The following TAF2 variants were observed in gnomAD, a reference collection of about 807,000 sequenced individuals.
The protein encoded by TAF2 is TATA-box binding protein associated factor 2.
In TAF2, 61 loss-of-function variants were observed where a neutral mutation model predicts 138.5. The observed-to-expected ratio is 0.44, with a 90% CI of 0.36 to 0.54. The LOEUF is 0.54. Ranked by LOEUF, TAF2 falls within the 20% of genes least tolerant of loss-of-function variation. The probability of loss-of-function intolerance (pLI) is 0.00; values close to 1 mark genes in which losing one functional copy is unlikely to be tolerated. For missense variants in TAF2, 1,090 were observed against 1,427.9 expected, an observed-to-expected ratio of 0.76 and a Z score of 3.81; for synonymous variants, 475 against 469.9, an observed-to-expected ratio of 1.01 and a Z score of -0.14.
intron 22 of TAF2, among the ~76,000 whole-genome samples, chr8:119,754,065 C>T (rs1267083790): frequency 6.6e-6 from 1 of 151,960 alleles, no homozygotes; most frequent in African/African-American, 2.4e-5. Flanking sequence ...AAAAAATTAG[C>T]AATATTTTAG....
Position 119,789,861 on chromosome 8 carries a change from CTATT to C in TAF2, c.1414-119_1414-116del, listed in dbSNP as rs1290425982. On this transcript the variant is annotated intron_variant, in intron 11 of 25. Coordinates refer to ENST00000378164, the MANE Select transcript of TAF2 (RefSeq NM_003184.4). ...TCAATTATAGAAGACAATAATTTCA[CTATT>C]TATTACACAGATTATTCTAAAGACT... is the stretch of plus-strand genomic sequence containing the variant. 1.6e-5 allele frequency: 16 copies of C among 1,019,730 alleles called. No individual in the cohort carries two copies. The Middle Eastern group carries it at 9.1e-4, about 58-fold the overall frequency. The allele number at this position is 1,019,730 out of a possible 1,614,324, so 63.2% of individuals were successfully genotyped here.
At chr8:119,803,425 T>C (rs1824400809) in intron 5 of TAF2, among the ~76,000 whole-genome samples, 1 of 152,084 alleles carries the variant, frequency 6.6e-6, no homozygotes, top group South Asian at 2.1e-4. Context: ...GCATGGTGGC[T>C]CATGCCTGTA....
At chr8:119,768,067 T>C (rs1821565705) in intron 18 of TAF2, among the ~76,000 whole-genome samples, 1 of 152,166 alleles carries the variant, frequency 6.6e-6, no homozygotes, top group South Asian at 2.1e-4. Flanking sequence ...CCTCCCTTGC[T>C]CCAGCTGAGG....
chr8:119,791,686 C>T (rs1464799691), intron 10 of TAF2: 7 of 464,374 alleles, frequency 1.5e-5, no homozygotes, highest in African/African-American at 9.9e-5. Flanking sequence ...ACACCAAGCT[C>T]CTAGATGGGA....
intron 5 of TAF2, 55 bp downstream of exon 5, chr8:119,803,823 A>C (rs1468408391): frequency 1.3e-6 from 2 of 1,497,726 alleles, no homozygotes; most frequent in Non-Finnish European, 1.8e-6. Context: ...TCTTGCTTAT[A>C]CATAAAAAAT....
chr8:119,741,349 T>C (rs905209365), intron 25 of TAF2, among the ~76,000 whole-genome samples: 8 of 152,158 alleles, frequency 5.3e-5, no homozygotes, highest in African/African-American at 1.9e-4. Flanking sequence ...ATGAAGGAGT[T>C]TGAAATTCTC....
chr8:119,820,182 T>C (rs1038115650), intron 2 of TAF2, among the ~76,000 whole-genome samples: 2 of 152,194 alleles, frequency 1.3e-5, no homozygotes, highest in African/African-American at 2.4e-5. Context: ...CCCTCTTGTA[T>C]TGAATCAATG....
chr8:119,823,350 C>G (rs1432238999), intron 2 of TAF2, among the ~76,000 whole-genome samples: 2 of 152,130 alleles, frequency 1.3e-5, no homozygotes, highest in Non-Finnish European at 2.9e-5. Context: ...ATCTTGAATT[C>G]TCATGTGTTG....
chr8:119,803,957 A>AC lies in TAF2; in HGVS notation c.480_481insG (p.Phe161ValfsTer34). ...CTTCCCTCTACACTGGGTACCACAA[A>AC]ATGAAGACCTCCTTTGGGCTGATCC... On this transcript the variant is annotated frameshift_variant, in exon 5 of 26. Transcript: ENST00000378164. LOFTEE classifies it high-confidence loss of function. The AC allele has an allele frequency of 6.2e-7, 1 of 1,614,128 alleles. No individual in the cohort carries two copies. The highest frequency in any genetic ancestry group is 1.1e-5 in the South Asian group (1 of 91,084).
chr8:119,807,936 A>G (rs976023752), intron 3 of TAF2, among the ~76,000 whole-genome samples: 2 of 152,228 alleles, frequency 1.3e-5, no homozygotes, highest in Non-Finnish European at 2.9e-5. Flanking sequence ...AAATTAAAAA[A>G]TAAAAATAAA....
chr8:119,819,510 TA>T lies in TAF2; in HGVS notation c.139-5del, dbSNP rs768756146. 9.4e-6 allele frequency: 15 copies of T among 1,602,084 alleles called. No homozygotes were observed. The Admixed American group carries it at 2.5e-4, about 27-fold the overall frequency. On this transcript the variant is annotated splice_polypyrimidine_tract_variant and splice_region_variant and intron_variant, in intron 2 of 25. Coordinates refer to ENST00000378164, the MANE Select transcript of TAF2 (RefSeq NM_003184.4). ...ATATAGTCAGTTCCACAAATCCCTGTAAAGATAGAGAATAACAACTTCATTA... is the reference window on the plus strand; with the variant it reads ...ATATAGTCAGTTCCACAAATCCCTGTAAGATAGAGAATAACAACTTCATTA...
At chr8:119,734,311 G>C (rs1819075524) in intron 25 of TAF2, among the ~76,000 whole-genome samples, 1 of 151,890 alleles carries the variant, frequency 6.6e-6, no homozygotes, top group Admixed American at 6.6e-5. Context: ...AAAAAGAAAA[G>C]GCTTTTCACT....
At chr8:119,738,934 T>TA (rs1215345691) in intron 25 of TAF2, among the ~76,000 whole-genome samples, 1 of 150,396 alleles carries the variant, frequency 6.6e-6, no homozygotes, top group Non-Finnish European at 1.5e-5. Flanking sequence ...AATTTAAGGA[T>TA]AAAAAAATCA....
chr8:119,832,802 C>A lies in TAF2; in HGVS notation c.-238G>T, dbSNP rs750190098. The A allele has an allele frequency of 9.3e-5, 44 of 473,520 alleles. No individual in the cohort carries two copies. Among genetic ancestry groups the A allele is most frequent in the Middle Eastern group, 5.5e-4 (1 of 1,814 alleles). The allele number at this position is 473,520 out of a possible 1,614,324, so 29.3% of individuals were successfully genotyped here. A position where few individuals can be genotyped will look rare whatever the true frequency, so the allele number is the denominator to read the frequency against. The stretch of plus-strand genomic sequence containing the variant: ...ACAGAGATGCTCCTCTCCGCAAGGG[C>A]TCGAAGCTACCATCCGCCGACATCT... On this transcript the variant is annotated 5_prime_UTR_variant, in exon 1 of 26. Coordinates refer to ENST00000378164, the MANE Select transcript of TAF2 (RefSeq NM_003184.4).
At chr8:119,806,469 CTT>C (rs71571631) in intron 3 of TAF2, 68 bp from the exon 4 acceptor site, 309,538 of 749,906 alleles carry the variant, frequency 0.41, 28,948 homozygotes, top group African/African-American at 0.55. Flanking sequence ...TTCTTTCTTT[CTT>C]TTTTTTTTTT....
intron 15 of TAF2, among the ~76,000 whole-genome samples, chr8:119,784,013 T>A (rs949328285): frequency 6.6e-6 from 1 of 152,244 alleles, no homozygotes; most frequent in Non-Finnish European, 1.5e-5. Flanking sequence ...TTTAGCTGAC[T>A]TAAGACTTTT....
At chr8:119,811,763 G>A (rs529369148) in intron 3 of TAF2, among the ~76,000 whole-genome samples, 25 of 134,912 alleles carry the variant, frequency 1.9e-4, no homozygotes, top group Non-Finnish European at 2.6e-4. Context: ...CCGGGATAGC[G>A]CCACTGCAGT....
At chr8:119,799,565 G>C (rs1397248827) in intron 6 of TAF2, among the ~76,000 whole-genome samples, 1 of 151,950 alleles carries the variant, frequency 6.6e-6, no homozygotes, top group African/African-American at 2.4e-5. Flanking sequence ...TGATGGACTG[G>C]GTTGGTTCCA....
chr8:119,792,526 G>GT (rs1313580921), intron 10 of TAF2, among the ~76,000 whole-genome samples: 1 of 152,102 alleles, frequency 6.6e-6, no homozygotes, highest in Admixed American at 6.5e-5. Context: ...ATTCTGATTA[G>GT]TACCACACTA....
Sources: gnomAD v4.1 joint callset for allele counts (sites outside exome capture counted in the v4.1 genomes callset) on GRCh38, gnomAD v4.1.1 for gene constraint, MANE v1.5 for transcripts, NCBI Gene and HGNC (gene_info 2026-07-23, HGNC 2026-07-21) for gene names.